Variants in CERS3 observed in about 807,000 individuals in gnomAD.
The protein encoded by CERS3 is ceramide synthase 3, also known as LAG1 homolog, ceramide synthase 3.
Under a neutral mutation model 50.3 loss-of-function variants are expected in CERS3, and 33 were observed. The ratio of observed to expected loss-of-function variants is 0.66; its 90% CI spans 0.50 to 0.88. The LOEUF is 0.88. Among genes scored for constraint, CERS3 ranks in the 40% least tolerant of loss-of-function variants. The probability of loss-of-function intolerance (pLI) is 0.00; values close to 1 mark genes in which losing one functional copy is unlikely to be tolerated. For missense variants in CERS3, 470 were observed against 460.3 expected (o/e 1.02, Z -0.19); for synonymous variants, 176 against 155.2 (o/e 1.13, Z -0.99).
At chr15:100,441,362 C>T (rs916516173) in intron 11 of CERS3, among the ~76,000 whole-genome samples, 1 of 151,264 alleles carries the variant, frequency 6.6e-6, no homozygotes, top group African/African-American at 2.4e-5. Flanking sequence ...GACCCCTTAT[C>T]TCTGCACCCC....
At chr15:100,458,843 T>A (rs1168449991) in intron 10 of CERS3, among the ~76,000 whole-genome samples, 2 of 152,176 alleles carry the variant, frequency 1.3e-5, no homozygotes, top group Non-Finnish European at 2.9e-5. Context: ...GTACCCTACT[T>A]TTTTCATGCA....
chr15:100,408,080 C>G (rs1396946466), intron 11 of CERS3, among the ~76,000 whole-genome samples: 1 of 152,040 alleles, frequency 6.6e-6, no homozygotes, highest in East Asian at 1.9e-4. Context: ...CTATGTTGGC[C>G]AGGCTGGTCT....
intron 1 of CERS3, among the ~76,000 whole-genome samples, chr15:100,534,531 T>A (rs939974446): frequency 2.0e-5 from 3 of 151,082 alleles, no homozygotes; most frequent in Admixed American, 1.3e-4. Flanking sequence ...ATCACTAAGC[T>A]AAAGGGAAAA....
chr15:100,427,100 C>T (rs757518997), intron 11 of CERS3, among the ~76,000 whole-genome samples: 1 of 152,172 alleles, frequency 6.6e-6, no homozygotes, highest in Non-Finnish European at 1.5e-5. Flanking sequence ...ACACAGTAGT[C>T]AGCCGAGGGG....
At chr15:100,468,900 C>T (rs930022096) in intron 10 of CERS3, among the ~76,000 whole-genome samples, 3 of 152,164 alleles carry the variant, frequency 2.0e-5, no homozygotes, top group Admixed American at 2.0e-4. Flanking sequence ...TTTTCCTTAT[C>T]TGGGAAGTGG....
chr15:100,543,200 C>A (rs4246317), intron 1 of CERS3, among the ~76,000 whole-genome samples: 58,072 of 151,926 alleles, frequency 0.38, 11,971 homozygotes, highest in South Asian at 0.46. Context: ...GCATGAGCCA[C>A]CACACCTGTC....
chr15:100,453,771 C>T (rs953217778), intron 11 of CERS3, among the ~76,000 whole-genome samples: 2 of 152,054 alleles, frequency 1.3e-5, no homozygotes, highest in Non-Finnish European at 2.9e-5. Context: ...CCAAAAAAAG[C>T]CTTAGATCTG....
At chr15:100,441,227 A>T (rs963581232) in intron 11 of CERS3, among the ~76,000 whole-genome samples, 9 of 150,766 alleles carry the variant, frequency 6.0e-5, no homozygotes, top group South Asian at 2.1e-4. Flanking sequence ...CTGCACCCCA[A>T]CCTCTTATCT....
chr15:100,489,853 G>C (rs2035599000), intron 4 of CERS3, among the ~76,000 whole-genome samples: 1 of 152,180 alleles, frequency 6.6e-6, no homozygotes, highest in Non-Finnish European at 1.5e-5. Flanking sequence ...GCTCTCACTT[G>C]CTATGAGCAA....
intron 11 of CERS3, among the ~76,000 whole-genome samples, chr15:100,428,814 TA>T (rs1192676214): frequency 1.1e-4 from 16 of 152,240 alleles, no homozygotes; most frequent in Admixed American, 1.0e-3. Context: ...TAGAGAATAC[TA>T]TGATATTTAA....
chr15:100,408,845 C>T (rs961681545), intron 11 of CERS3: 4 of 152,180 alleles, frequency 2.6e-5, no homozygotes, highest in Non-Finnish European at 5.9e-5. Context: ...TAAACAGTTA[C>T]ATCAACAACA....
At chr15:100,526,441 C>T (rs572618549) in intron 1 of CERS3, among the ~76,000 whole-genome samples, 4 of 142,038 alleles carry the variant, frequency 2.8e-5, no homozygotes, top group Admixed American at 2.8e-4. Context: ...GGCAGTGCTT[C>T]TGCTGTGGTG....
intron 7 of CERS3, among the ~76,000 whole-genome samples, chr15:100,478,577 C>T (rs1038126968): frequency 6.7e-6 from 1 of 148,766 alleles, no homozygotes; most frequent in Non-Finnish European, 1.5e-5. Context: ...AGAAAAAAGG[C>T]ATTATGTTCA....
At chr15:100,509,027 T>C (rs1419840707) in intron 2 of CERS3, among the ~76,000 whole-genome samples, 1 of 152,248 alleles carries the variant, frequency 6.6e-6, no homozygotes, top group Non-Finnish European at 1.5e-5. Context: ...GGATGAGGCA[T>C]CTCAGCCCCA....
rs141545163 is a variant in CERS3, at chr15:100,526,772, T to G, written c.-92+2041A>C. On this transcript the variant is annotated intron_variant, in intron 1 of 11. Transcript: ENST00000679737. The stretch of plus-strand genomic sequence containing the variant: ...TCCCTGAGGGCAGGGACTTGTCTGC[T>G]TTGTTCACTGGTGATACCCCCAATC... Among the ~76,000 whole-genome samples, 212 of 152,146 alleles carry G rather than the reference T, an allele frequency of 1.4e-3. 2 individuals carry two copies. Among genetic ancestry groups the G allele is most frequent in the African/African-American group, 4.6e-3 (193 of 41,518 alleles).
chr15:100,525,192 G>A (rs1412918427), intron 1 of CERS3, among the ~76,000 whole-genome samples: 1 of 152,044 alleles, frequency 6.6e-6, no homozygotes, highest in African/African-American at 2.4e-5. Flanking sequence ...TGGGAATTTT[G>A]GTTAAATATC....
At chr15:100,520,860 C>A (rs1224940840) in intron 2 of CERS3, among the ~76,000 whole-genome samples, 1 of 152,150 alleles carries the variant, frequency 6.6e-6, no homozygotes, top group African/African-American at 2.4e-5. Context: ...AGGCATCCAG[C>A]AGCATGAATA....
Position 100,469,485 on chromosome 15 carries a change from C to G in CERS3, c.739-1G>C. 6.3e-7 allele frequency: 1 copy of G among 1,599,120 alleles called. No homozygotes were observed. The highest frequency in any genetic ancestry group is 8.5e-7 in the Non-Finnish European group (1 of 1,172,440). The stretch of plus-strand genomic sequence containing the variant: ...CAGCATAAGAAAACATCTTAGCAGA[C>G]TGCAAAAAAGAAAGAAACTGCAGAT... On this transcript the variant is annotated splice_acceptor_variant, in intron 9 of 11. Coordinates refer to ENST00000679737, the MANE Select transcript of CERS3 (RefSeq NM_001378789.1). LOFTEE classifies it high-confidence loss of function.
At chr15:100,455,849 C>A in intron 11 of CERS3, 44 bp downstream of exon 11, 2 of 1,379,858 alleles carry the variant, frequency 1.4e-6, no homozygotes, top group Non-Finnish European at 2.0e-6. Context: ...TCACCATTAA[C>A]CTGGCAATGA....
Sources: gnomAD v4.1 joint callset for allele counts (sites outside exome capture counted in the v4.1 genomes callset) on GRCh38, gnomAD v4.1.1 for gene constraint, MANE v1.5 for transcripts, NCBI Gene and HGNC (gene_info 2026-07-23, HGNC 2026-07-21) for gene names.